Variants in TENM3 observed in about 807,000 individuals in gnomAD.
The protein encoded by TENM3 is teneurin-3.
TENM3 carries 63 observed loss-of-function variants against 255.1 expected under a neutral mutation model. That is an observed-to-expected ratio of 0.25 (90% CI 0.20 to 0.30). The LOEUF is 0.30. Among genes scored for constraint, TENM3 ranks in the 10% least tolerant of loss-of-function variants. The pLI is 1.00. For missense variants in TENM3, 2,929 were observed against 3,461.1 expected (o/e 0.85, Z 3.86); for synonymous variants, 1,306 against 1,322.3 (o/e 0.99, Z 0.27).
At chr4:182,329,195 G>T (rs529971976) in intron 2 of TENM3, among the ~76,000 whole-genome samples, 9 of 152,300 alleles carry the variant, frequency 5.9e-5, no homozygotes, top group African/African-American at 2.2e-4. Context: ...GGATCGTGAA[G>T]GACCAAGCTG....
the TENM3 span, among the ~76,000 whole-genome samples, chr4:181,919,677 C>T: frequency 3.7e-4 from 56 of 152,046 alleles, 1 homozygote; most frequent in East Asian, 7.9e-3. Context: ...AATCGATCGG[C>T]ATGAGGGACC....
At chr4:182,733,550 G>A (rs1265787563) in intron 16 of TENM3, among the ~76,000 whole-genome samples, 1 of 152,310 alleles carries the variant, frequency 6.6e-6, no homozygotes, top group East Asian at 1.9e-4. Context: ...TGGAGTCCAG[G>A]GAAGAGGTTG....
At chr4:182,763,682 AAAAG>A (rs1188371972) in intron 22 of TENM3, among the ~76,000 whole-genome samples, 4 of 152,240 alleles carry the variant, frequency 2.6e-5, no homozygotes, top group Non-Finnish European at 5.9e-5. Context: ...TTATAGTAAT[AAAAG>A]AAAGGTTACA....
At chr4:182,075,771 T>C in the TENM3 span, among the ~76,000 whole-genome samples, 2 of 152,194 alleles carry the variant, frequency 1.3e-5, no homozygotes, top group South Asian at 2.1e-4. Context: ...AGGCTCTGCA[T>C]AGTGCCTGCC....
intron 3 of TENM3, among the ~76,000 whole-genome samples, chr4:182,585,454 A>T (rs143229366): frequency 8.9e-4 from 136 of 152,196 alleles, no homozygotes; most frequent in African/African-American, 3.2e-3. Context: ...TGTAGCCCTG[A>T]TCCTGCCGCA....
At chr4:182,083,462 G>A in the TENM3 span, among the ~76,000 whole-genome samples, 1 of 152,052 alleles carries the variant, frequency 6.6e-6, no homozygotes, top group South Asian at 2.1e-4. Flanking sequence ...GAAGAAATGT[G>A]TTATTGATCA....
chr4:182,790,136 C>T (rs766479922), intron 25 of TENM3, among the ~76,000 whole-genome samples: 4 of 152,194 alleles, frequency 2.6e-5, no homozygotes, highest in Admixed American at 1.3e-4. Context: ...AAATATCCAC[C>T]GAAAAGCATA....
chr4:181,921,408 A>C, the TENM3 span, among the ~76,000 whole-genome samples: 2 of 151,990 alleles, frequency 1.3e-5, no homozygotes, highest in African/African-American at 2.4e-5. Context: ...CTGTAATTTC[A>C]TTGAGCAGTG....
At chr4:181,478,541 C>T in the TENM3 span, among the ~76,000 whole-genome samples, 2 of 152,156 alleles carry the variant, frequency 1.3e-5, no homozygotes, top group African/African-American at 4.8e-5. Flanking sequence ...AGGTTGTAAC[C>T]GCTTTTGATT....
chr4:181,611,188 G>A, the TENM3 span, among the ~76,000 whole-genome samples: 4 of 152,182 alleles, frequency 2.6e-5, no homozygotes, highest in Non-Finnish European at 5.9e-5. Flanking sequence ...GCGAACGTGG[G>A]AGAGCCCAGA....
chr4:181,595,346 G>A, the TENM3 span, among the ~76,000 whole-genome samples: 230 of 148,020 alleles, frequency 1.6e-3, no homozygotes, highest in African/African-American at 5.3e-3. Flanking sequence ...CATGAGAATC[G>A]CTTAAACCCA....
chr4:182,640,058 C>G (rs983427862), intron 5 of TENM3, among the ~76,000 whole-genome samples: 1 of 152,152 alleles, frequency 6.6e-6, no homozygotes. Context: ...CCACTGCACT[C>G]TAGCCTGGCA....
chr4:181,905,047 T>G, the TENM3 span, among the ~76,000 whole-genome samples: 1 of 152,270 alleles, frequency 6.6e-6, no homozygotes, highest in African/African-American at 2.4e-5. Flanking sequence ...CATGGAACTG[T>G]AAGTCAAATA....
chr4:182,642,998 G>A (rs1752444289), intron 5 of TENM3, among the ~76,000 whole-genome samples: 1 of 152,120 alleles, frequency 6.6e-6, no homozygotes, highest in South Asian at 2.1e-4. Flanking sequence ...GAACACAGCA[G>A]GAAATCCAAA....
At chr4:181,982,643 A>T in the TENM3 span, among the ~76,000 whole-genome samples, 3 of 152,136 alleles carry the variant, frequency 2.0e-5, no homozygotes, top group Admixed American at 2.0e-4. Context: ...AAAAGTGCCT[A>T]ACATTTACCC....
At chr4:181,551,807 A>AATATATAT in the TENM3 span, among the ~76,000 whole-genome samples, 10 of 140,952 alleles carry the variant, frequency 7.1e-5, no homozygotes, top group African/African-American at 2.7e-4. Flanking sequence ...GGCAGTTAAT[A>AATATATAT]ATATATATAT....
chr4:182,119,834 T>G, the TENM3 span, among the ~76,000 whole-genome samples: 1 of 152,062 alleles, frequency 6.6e-6, no homozygotes, highest in Non-Finnish European at 1.5e-5. Flanking sequence ...CCCAGGTAAC[T>G]GGGACTACAA....
rs1193581492 is a variant in TENM3 at position 182,800,008 on chromosome 4, T to C, written c.7757T>C (p.Val2586Ala). 1.9e-6 allele frequency: 3 copies of C among 1,594,688 alleles called. No individual in the cohort carries two copies. Among genetic ancestry groups the C allele is most frequent in the African/African-American group, 2.7e-5 (2 of 74,538 alleles). Residue 2586 changes from valine (V) to alanine (A), a missense_variant, in exon 28 of 28, where the codon GTG becomes GCG. Coordinates refer to ENST00000511685, the MANE Select transcript of TENM3 (RefSeq NM_001080477.4). ...ACGGTGTCGCAGTCCACCACGGTGG[T>C]GAACGGCAGGACGCGCAGGTTCGCG... ...NVTVSQSTTVVNGRTRRFADV... is the reference protein window; with the variant it reads ...NVTVSQSTTVANGRTRRFADV...
At chr4:182,722,299 A>G (rs781559762) in intron 13 of TENM3, among the ~76,000 whole-genome samples, 23 of 152,042 alleles carry the variant, frequency 1.5e-4, no homozygotes, top group Non-Finnish European at 2.9e-4. Context: ...AAAGCATGAT[A>G]GAAAAAAAGC....
Sources: gnomAD v4.1 joint callset for allele counts (sites outside exome capture counted in the v4.1 genomes callset) on GRCh38, gnomAD v4.1.1 for gene constraint, MANE v1.5 for transcripts, NCBI Gene and HGNC (gene_info 2026-07-23, HGNC 2026-07-21) for gene names.